Variants in PEPD observed in about 807,000 individuals in gnomAD.
The protein encoded by PEPD is xaa-Pro dipeptidase.
A neutral mutation model predicts 60.7 loss-of-function variants in PEPD; 53 were observed. The observed-to-expected ratio is 0.87, with a 90% CI of 0.70 to 1.10. The LOEUF (loss-of-function observed/expected upper bound fraction) is 1.10. Among genes scored for constraint, PEPD ranks in the 50% least tolerant of loss-of-function variants. PEPD has a pLI of 0.00. For missense variants in PEPD, 711 were observed against 711.9 expected (o/e 1.00, Z 0.01); for synonymous variants, 267 against 284.1 (o/e 0.94, Z 0.60).
rs188016952 is a variant in PEPD, at chr19:33,468,107, G to C, written c.549-4045C>G. Reference sequence around the variant, plus strand: ...CTTTCGGTTTGGGGCTGGCCACCCGGTGAGGGAGGTCTGTAATACTGAGAG... The same window carrying C: ...CTTTCGGTTTGGGGCTGGCCACCCGCTGAGGGAGGTCTGTAATACTGAGAG... On this transcript the variant is annotated intron_variant, in intron 7 of 14. Coordinates refer to ENST00000244137, the MANE Select transcript of PEPD (RefSeq NM_000285.4). Among the ~76,000 whole-genome samples the C allele has an allele frequency of 4.0e-4, 61 of 152,298 alleles. No homozygotes were observed. The East Asian group carries it at 8.3e-3, about 21-fold the overall frequency.
At chr19:33,498,484 G>C (rs948328172) in intron 4 of PEPD, among the ~76,000 whole-genome samples, 58 of 152,286 alleles carry the variant, frequency 3.8e-4, no homozygotes, top group African/African-American at 1.4e-3. Flanking sequence ...TTTTCCCCCA[G>C]TTATAAAGAC....
chr19:33,393,948 A>G (rs1004740971), intron 12 of PEPD, among the ~76,000 whole-genome samples: 4 of 152,244 alleles, frequency 2.6e-5, no homozygotes. Context: ...GTCCCCTCTC[A>G]GAGGAGACCT....
intron 7 of PEPD, among the ~76,000 whole-genome samples, chr19:33,467,600 C>A (rs772088908): frequency 6.6e-6 from 1 of 152,034 alleles, no homozygotes; most frequent in Non-Finnish European, 1.5e-5. Context: ...AAATGTAGGA[C>A]AAGAAGGCAA....
At chr19:33,437,743 G>A (rs968356419) in intron 9 of PEPD, among the ~76,000 whole-genome samples, 1 of 152,244 alleles carries the variant, frequency 6.6e-6, no homozygotes, top group African/African-American at 2.4e-5. Flanking sequence ...AGTAGGTGGT[G>A]TCATTAGGAG....
chr19:33,421,242 T>TG (rs1240834763), intron 9 of PEPD, among the ~76,000 whole-genome samples: 1 of 152,200 alleles, frequency 6.6e-6, no homozygotes, highest in African/African-American at 2.4e-5. Context: ...ACAGGGTTTT[T>TG]GGGGGGTCAG....
chr19:33,391,119 G>A lies in PEPD; in HGVS notation c.1152+176C>T, dbSNP rs138204210. Among the ~76,000 whole-genome samples the A allele has an allele frequency of 3.3e-5, 5 of 152,218 alleles. No individual in the cohort carries two copies. The East Asian group carries it at 5.8e-4, about 18-fold the overall frequency. On this transcript the variant is annotated intron_variant, in intron 13 of 14. Transcript: ENST00000244137. ...ATGCTCACAGATGCACCCCTGTCTT[G>A]GCCAGGGTCCCGATTCCCCCCTCCT... is the stretch of plus-strand genomic sequence containing the variant.
chr19:33,411,252 C>T (rs984742265), intron 11 of PEPD, among the ~76,000 whole-genome samples: 5 of 152,300 alleles, frequency 3.3e-5, no homozygotes, highest in East Asian at 1.9e-4. Flanking sequence ...GGTTTCAGAG[C>T]GTGGGAGGCT....
chr19:33,434,847 C>G lies in PEPD; in HGVS notation c.672-21204G>C, dbSNP rs573251318. Among the ~76,000 whole-genome samples the G allele has an allele frequency of 2.7e-5, 4 of 147,386 alleles. No individual in the cohort carries two copies. In the South Asian group the frequency reaches 9.2e-4, roughly 34 times the overall value. The stretch of plus-strand genomic sequence containing the variant: ...ATCACACATACGGTCCAGCCCTCCT[C>G]GGTCCCTGACCCTCCCTGTTCTGGG... On this transcript the variant is annotated intron_variant, in intron 9 of 14. Transcript: ENST00000244137.
intron 12 of PEPD, chr19:33,396,175 T>TG (rs942461677): frequency 1.3e-5 from 2 of 152,298 alleles, no homozygotes; most frequent in African/African-American, 4.8e-5. Flanking sequence ...AGGGTATCTA[T>TG]GACTGGGGTG....
chr19:33,521,603 C>A, intron 1 of PEPD, 141 bp downstream of exon 1: 1 of 926,528 alleles, frequency 1.1e-6, no homozygotes, highest in South Asian at 1.4e-5. Context: ...CCGACCGGCG[C>A]TGGGACTCCG....
chr19:33,396,309 C>T (rs968747899), intron 12 of PEPD, among the ~76,000 whole-genome samples: 1 of 151,976 alleles, frequency 6.6e-6, no homozygotes, highest in African/African-American at 2.4e-5. Context: ...GGGAGCAAAG[C>T]TGGCAGAGGT....
intron 9 of PEPD, among the ~76,000 whole-genome samples, chr19:33,459,079 C>A (rs1366543798): frequency 4.6e-5 from 7 of 152,018 alleles, no homozygotes; most frequent in Admixed American, 3.9e-4. Flanking sequence ...CTGACGGGGA[C>A]AGGAGCTGCG....
chr19:33,467,348 CTT>C (rs148366991), intron 7 of PEPD, among the ~76,000 whole-genome samples: 1 of 147,910 alleles, frequency 6.8e-6, no homozygotes, highest in African/African-American at 2.5e-5. Flanking sequence ...AGTTTTATGG[CTT>C]TTTTTTTTAA....
At chr19:33,405,741 C>A (rs1429087204) in intron 11 of PEPD, among the ~76,000 whole-genome samples, 1 of 152,246 alleles carries the variant, frequency 6.6e-6, no homozygotes, top group Admixed American at 6.5e-5. Context: ...CCTGAGGCTC[C>A]CCGTGCCATG....
intron 9 of PEPD, among the ~76,000 whole-genome samples, chr19:33,446,179 G>A (rs575542730): frequency 7.4e-4 from 112 of 152,086 alleles, no homozygotes; most frequent in Non-Finnish European, 1.2e-3. Context: ...TGATCTCGGA[G>A]CCACCAGCAC....
chr19:33,434,681 C>T (rs937770522), intron 9 of PEPD, among the ~76,000 whole-genome samples: 1 of 152,044 alleles, frequency 6.6e-6, no homozygotes, highest in African/African-American at 2.4e-5. Flanking sequence ...GCAGTAAAAC[C>T]CAACCCCATT....
intron 7 of PEPD, among the ~76,000 whole-genome samples, chr19:33,467,683 G>A (rs1215843036): frequency 6.6e-6 from 1 of 152,178 alleles, no homozygotes; most frequent in Non-Finnish European, 1.5e-5. Flanking sequence ...ATGGCCCAAA[G>A]AATTCGCTTT....
At chr19:33,406,019 C>T (rs192869216) in intron 11 of PEPD, among the ~76,000 whole-genome samples, 108 of 152,314 alleles carry the variant, frequency 7.1e-4, no homozygotes, top group African/African-American at 2.4e-3. Flanking sequence ...AGGCACGGCA[C>T]CAGTGAGGGG....
In PEPD at chr19:33,420,637, G is replaced by A. The variant is rs551994062; in HGVS notation, c.672-6994C>T. On this transcript the variant is annotated intron_variant, in intron 9 of 14. Coordinates refer to ENST00000244137, the MANE Select transcript of PEPD (RefSeq NM_000285.4). ...GAATTGCTTGAACCTGGGAGGCGGAGGTTGTAGTGAGCCGAGATCGCACCA... is the reference window on the plus strand; with the variant it reads ...GAATTGCTTGAACCTGGGAGGCGGAAGTTGTAGTGAGCCGAGATCGCACCA... 4.6e-3 allele frequency among the ~76,000 whole-genome samples: 706 copies of A among 152,164 alleles called. 6 individuals carry two copies. Among genetic ancestry groups the A allele is most frequent in the African/African-American group, 0.015 (636 of 41,518 alleles).
Sources: allele counts gnomAD v4.1 joint callset (sites outside exome capture counted in the v4.1 genomes callset), GRCh38; gene constraint gnomAD v4.1.1; transcripts MANE v1.5; gene names NCBI Gene and HGNC (gene_info 2026-07-23, HGNC 2026-07-21).